The following DOCK1 variants were observed in gnomAD, a reference collection of about 807,000 sequenced individuals.
The protein encoded by DOCK1 is dedicator of cytokinesis 1.
Under a neutral mutation model 262.7 loss-of-function variants are expected in DOCK1, and 138 were observed. That is an observed-to-expected ratio of 0.53 (90% CI 0.46 to 0.61). The LOEUF (loss-of-function observed/expected upper bound fraction) is 0.61. Ranked by LOEUF, DOCK1 falls within the 20% of genes least tolerant of loss-of-function variation. DOCK1 has a pLI of 0.00. For missense variants in DOCK1, 1,908 were observed against 2,370.7 expected, an observed-to-expected ratio of 0.80 and a Z score of 4.05; for synonymous variants, 866 against 867.4, an observed-to-expected ratio of 1.00 and a Z score of 0.03.
rs1410637866 is a variant in DOCK1, at chr10:127,176,033, G to T, written c.2847+48269G>T. The T allele has an allele frequency of 3.1e-6, 5 of 1,613,966 alleles. No individual in the cohort carries two copies. Among genetic ancestry groups the T allele is most frequent in the Non-Finnish European group, 8.5e-7 (1 of 1,180,008 alleles). On this transcript the variant is annotated intron_variant, in intron 27 of 51. Transcript: ENST00000623213. The surrounding 1 kb of genome is among the most constrained non-coding windows in gnomAD (Gnocchi z 4.4). ...GGCTTTTGAGGTTCCCCTTTTTGCG[G>T]TCCAGAGGGAACGTCTGGTAACACT...
intron 4 of DOCK1, 127 bp downstream of exon 4, chr10:126,982,100 A>T: frequency 1.0e-6 from 1 of 968,638 alleles, no homozygotes; most frequent in Admixed American, 2.6e-5. Flanking sequence ...GGGGGACAGG[A>T]GTTTTGGGGA....
At chr10:127,108,730 A>C (rs1320311151) in intron 24 of DOCK1, among the ~76,000 whole-genome samples, 3 of 152,204 alleles carry the variant, frequency 2.0e-5, no homozygotes, top group East Asian at 1.9e-4. Flanking sequence ...GCCTATCTTT[A>C]AGCAGCAACA....
intron 39 of DOCK1, among the ~76,000 whole-genome samples, chr10:127,404,064 CT>C (rs1299584705): frequency 1.3e-5 from 2 of 152,156 alleles, no homozygotes; most frequent in Non-Finnish European, 2.9e-5. Flanking sequence ...TAAGTCACAA[CT>C]TTTTGCTGAA....
Position 127,100,291 on chromosome 10 carries a change from G to C in DOCK1, c.2446-5940G>C, listed in dbSNP as rs2048163005. 6.6e-6 allele frequency among the ~76,000 whole-genome samples: 1 copy of C among 152,148 alleles called. No homozygotes were observed. Among genetic ancestry groups the C allele is most frequent in the Non-Finnish European group, 1.5e-5 (1 of 68,022 alleles). ...GCGGCCCAGGTGCTGTTTGTTCCGGGGGGAGTTAACAGCCTGAACCGAGGG... is the reference window on the plus strand; with the variant it reads ...GCGGCCCAGGTGCTGTTTGTTCCGGCGGGAGTTAACAGCCTGAACCGAGGG... On this transcript the variant is annotated intron_variant, in intron 23 of 51. Transcript: ENST00000623213. The surrounding 1 kb of genome is among the most constrained non-coding windows in gnomAD (Gnocchi z 5.5).
intron 27 of DOCK1, among the ~76,000 whole-genome samples, chr10:127,134,574 C>T (rs2050534863): frequency 6.6e-6 from 1 of 152,130 alleles, no homozygotes. Context: ...GGTGGGCACC[C>T]TTCATTGTAT....
At chr10:127,219,650 T>C (rs1589994840) in intron 27 of DOCK1, among the ~76,000 whole-genome samples, 1 of 152,260 alleles carries the variant, frequency 6.6e-6, no homozygotes, top group Admixed American at 6.5e-5. Context: ...CTCCCTCCTC[T>C]CAGCACCTGT....
chr10:127,433,422 C>T lies in DOCK1; in HGVS notation c.5054C>T (p.Ser1685Phe), dbSNP rs2069439794. The T allele has an allele frequency of 6.2e-7, 1 of 1,613,972 alleles. No homozygotes were observed. The highest frequency in any genetic ancestry group is 2.2e-5 in the East Asian group (1 of 44,870). Reference sequence around the variant, plus strand: ...GACAGCACCCCTTCCAGACCAGGCTCCGACGGGTGAGTCAAGCTCACAGCA... The same window carrying T: ...GACAGCACCCCTTCCAGACCAGGCTTCGACGGGTGAGTCAAGCTCACAGCA... ...SSDSTPSRPG[S>F]DGFALEPLLP... The change falls in exon 48 of 52, where the codon TCC becomes TTC. Residue 1685 changes from serine (S) to phenylalanine (F), a missense_variant. Ser to Phe is a radical substitution (Grantham distance 155). Transcript: ENST00000623213.
intron 1 of DOCK1, among the ~76,000 whole-genome samples, chr10:126,947,278 G>A (rs1420766936): frequency 6.8e-6 from 1 of 146,016 alleles, no homozygotes; most frequent in Admixed American, 6.8e-5. Flanking sequence ...ACTGTTGGTG[G>A]TGATGGTGGT....
At chr10:126,912,924 G>A (rs1230801808) in intron 1 of DOCK1, among the ~76,000 whole-genome samples, 2 of 152,048 alleles carry the variant, frequency 1.3e-5, no homozygotes, top group East Asian at 3.9e-4. Flanking sequence ...GCCCATAACA[G>A]TATGATTTTG....
intron 25 of DOCK1, among the ~76,000 whole-genome samples, chr10:127,118,360 C>T (rs530964932): frequency 1.3e-5 from 2 of 152,248 alleles, no homozygotes; most frequent in African/African-American, 4.8e-5. Flanking sequence ...ATAAATGGGA[C>T]TCATTTGCAA....
intron 27 of DOCK1, among the ~76,000 whole-genome samples, chr10:127,147,726 G>T (rs1249732609): frequency 6.6e-6 from 1 of 151,974 alleles, no homozygotes; most frequent in Admixed American, 6.6e-5. Flanking sequence ...TATCAAAGTG[G>T]TTGTTTAAAA....
intron 21 of DOCK1, among the ~76,000 whole-genome samples, chr10:127,046,309 A>G (rs1029023111): frequency 2.0e-5 from 3 of 152,172 alleles, no homozygotes; most frequent in Non-Finnish European, 4.4e-5. Context: ...TTTCCAGCCA[A>G]TGGAGATGGA....
intron 23 of DOCK1, among the ~76,000 whole-genome samples, chr10:127,101,543 C>T (rs893030878): frequency 6.6e-6 from 1 of 152,190 alleles, no homozygotes; most frequent in Non-Finnish European, 1.5e-5. Context: ...CATTCCATGT[C>T]CCCGCCTCAG....
rs1161856583 is a variant in DOCK1 at position 127,186,520 on chromosome 10, C to CA, written c.2847+58756_2847+58757insA. On this transcript the variant is annotated intron_variant, in intron 27 of 51. Transcript: ENST00000623213. ...ATGGGAGAAACCGCCCCCCCGCCCC[C>CA]CCCCGATCCAGTTACCTCCACCCAG... is the stretch of plus-strand genomic sequence containing the variant. 6.1e-5 allele frequency among the ~76,000 whole-genome samples: 5 copies of CA among 81,742 alleles called. 1 individual carries two copies. Among genetic ancestry groups the CA allele is most frequent in the Non-Finnish European group, 1.6e-4 (5 of 30,710 alleles). The allele number at this position is 81,742 out of a possible 152,430, so 53.6% of individuals were successfully genotyped here.
At chr10:126,915,255 C>A (rs1046256345) in intron 1 of DOCK1, among the ~76,000 whole-genome samples, 1 of 152,176 alleles carries the variant, frequency 6.6e-6, no homozygotes, top group Non-Finnish European at 1.5e-5. Flanking sequence ...AGTCACTTGG[C>A]AGAACAGATG....
intron 29 of DOCK1, among the ~76,000 whole-genome samples, chr10:127,329,384 G>C (rs11017352): frequency 0.048 from 7,375 of 152,218 alleles, 215 homozygotes; most frequent in Non-Finnish European, 0.072. Flanking sequence ...GGGGTGCTGA[G>C]GCGGAGGTCT....
chr10:127,448,322 C>T (rs1436088943), intron 51 of DOCK1, among the ~76,000 whole-genome samples: 1 of 152,244 alleles, frequency 6.6e-6, no homozygotes, highest in Non-Finnish European at 1.5e-5. Context: ...GCCCCTGGGC[C>T]TGCCTGCCCG....
chr10:127,065,742 A>G (rs1397826944), intron 23 of DOCK1, among the ~76,000 whole-genome samples: 1 of 152,180 alleles, frequency 6.6e-6, no homozygotes, highest in East Asian at 1.9e-4. Context: ...TGAGTGAATG[A>G]TGCGGCTCCG....
intron 25 of DOCK1, among the ~76,000 whole-genome samples, chr10:127,122,085 T>G (rs767125054): frequency 1.4e-4 from 21 of 152,226 alleles, no homozygotes; most frequent in Non-Finnish European, 2.8e-4. Flanking sequence ...GAGGCCTTCC[T>G]GTACCTGGGT....
Sources: gnomAD v4.1 joint callset for allele counts (sites outside exome capture counted in the v4.1 genomes callset) on GRCh38, gnomAD v4.1.1 for gene constraint, Gnocchi (gnomAD v3.1) non-coding constraint, MANE v1.5 for transcripts, NCBI Gene and HGNC (gene_info 2026-07-23, HGNC 2026-07-21) for gene names.